MACF1: variants seen among roughly 807,000 people sequenced by gnomAD.
MACF1 encodes microtubule-actin cross-linking factor 1.
A neutral mutation model predicts 854.8 loss-of-function variants in MACF1; 193 were observed. The observed-to-expected ratio is 0.23, with a 90% CI of 0.20 to 0.25. The LOEUF (loss-of-function observed/expected upper bound fraction) is 0.25. Ranked by LOEUF, MACF1 falls within the 10% of genes least tolerant of loss-of-function variation. The pLI is 1.00. For missense variants in MACF1, 7,722 were observed against 8,929.1 expected (o/e 0.86, Z 5.45); for synonymous variants, 3,185 against 3,226.7 (o/e 0.99, Z 0.44).
In MACF1 at chr1:39,485,961, G is replaced by A. The variant is rs1405390940; in HGVS notation, c.*167G>A. ...TTTTTGTAAGTTACTATTTTCATGT[G>A]AATATTTATGTAGATAAAATTTGCC... On this transcript the variant is annotated 3_prime_UTR_variant, in exon 101 of 101. Coordinates refer to ENST00000564288, the MANE Select transcript of MACF1 (RefSeq NM_001394062.1). 9.9e-6 allele frequency: 7 copies of A among 708,774 alleles called. No individual in the cohort carries two copies. The highest frequency in any genetic ancestry group is 1.2e-5 in the Non-Finnish European group (6 of 501,392). The allele number at this position is 708,774 out of a possible 1,614,324, so 43.9% of individuals were successfully genotyped here.
In MACF1 at chr1:39,222,201, T is replaced by C. The variant is rs144971835; in HGVS notation, c.110-8981T>C. 7.4e-3 allele frequency among the ~76,000 whole-genome samples: 1,121 copies of C among 152,330 alleles called. 4 individuals carry two copies. Among genetic ancestry groups the C allele is most frequent in the Non-Finnish European group, 0.011 (766 of 68,030 alleles). ...GGGCAGTGACACAATCTTGGCTCAC[T>C]GCAACCTCTGCCTCCTGGGCTCAAG... On this transcript the variant is annotated intron_variant, in intron 1 of 100. Coordinates refer to ENST00000564288, the MANE Select transcript of MACF1 (RefSeq NM_001394062.1).
intron 3 of MACF1, among the ~76,000 whole-genome samples, chr1:39,251,053 ATTGT>A (rs1254159682): frequency 2.0e-5 from 3 of 152,164 alleles, no homozygotes; most frequent in Non-Finnish European, 4.4e-5. Context: ...TTTCTTAGTC[ATTGT>A]TTGTTGTGTT....
At chr1:39,402,356 C>CT (rs1295955171) in intron 58 of MACF1, among the ~76,000 whole-genome samples, 1 of 152,116 alleles carries the variant, frequency 6.6e-6, no homozygotes, top group Non-Finnish European at 1.5e-5. Flanking sequence ...TCAGGGAAAC[C>CT]TACCCTGAGC....
chr1:39,233,789 T>A (rs1644815101), intron 2 of MACF1, among the ~76,000 whole-genome samples: 1 of 87,692 alleles, frequency 1.1e-5, no homozygotes, highest in South Asian at 6.1e-4. Context: ...TTTTTTTTTT[T>A]TTTTTTTTAT....
At position 39,464,871 on chromosome 1, in the gene MACF1, G is replaced by A. The variant is rs926969459; in HGVS notation, c.21754-224G>A. 1.1e-4 allele frequency: 54 copies of A among 483,958 alleles called. 1 individual carries two copies. The highest frequency in any genetic ancestry group is 2.6e-4 in the South Asian group (12 of 46,754). The allele number at this position is 483,958 out of a possible 1,614,324, so 30.0% of individuals were successfully genotyped here. A position where few individuals can be genotyped will look rare whatever the true frequency, so the allele number is the denominator to read the frequency against. ...GGAGGTTGCAGTGAGCCATGATCGCGCCACTGCACTCCAGCCTGGGCAACA... is the reference window on the plus strand; with the variant it reads ...GGAGGTTGCAGTGAGCCATGATCGCACCACTGCACTCCAGCCTGGGCAACA... On this transcript the variant is annotated intron_variant, in intron 94 of 100. Coordinates refer to ENST00000564288, the MANE Select transcript of MACF1 (RefSeq NM_001394062.1).
intron 2 of MACF1, among the ~76,000 whole-genome samples, chr1:39,129,225 A>G (rs932672614): frequency 2.6e-5 from 4 of 152,140 alleles, no homozygotes; most frequent in Admixed American, 1.3e-4. Flanking sequence ...GCAACAGGTT[A>G]TGTTTTCTCC....
intron 2 of MACF1, among the ~76,000 whole-genome samples, chr1:39,134,666 AAGGTTAAATGAGTT>A (rs2148176690): frequency 6.6e-6 from 1 of 152,268 alleles, no homozygotes; most frequent in East Asian, 1.9e-4. Flanking sequence ...GGTTTTTGTA[AAGGTTAAATGAGTT>A]AATATACGTA....
chr1:39,158,639 C>G (rs1643736776), intron 2 of MACF1, among the ~76,000 whole-genome samples: 1 of 152,108 alleles, frequency 6.6e-6, no homozygotes, highest in South Asian at 2.1e-4. Flanking sequence ...CCCAGTGGAG[C>G]CTGGGCTGGG....
At chr1:39,449,835 C>A (rs112440209) in intron 84 of MACF1, among the ~76,000 whole-genome samples, 4 of 151,542 alleles carry the variant, frequency 2.6e-5, no homozygotes, top group African/African-American at 9.7e-5. Context: ...AGACTATAGG[C>A]ATGTGCCACC....
At chr1:39,190,850 C>T (rs1252743551) in intron 2 of MACF1, among the ~76,000 whole-genome samples, 2 of 151,270 alleles carry the variant, frequency 1.3e-5, no homozygotes, top group African/African-American at 4.9e-5. Flanking sequence ...CAAAAATTAG[C>T]CGGGCGTGGT....
chr1:39,148,169 A>G (rs1351425577), intron 2 of MACF1, among the ~76,000 whole-genome samples: 1 of 152,090 alleles, frequency 6.6e-6, no homozygotes, highest in Non-Finnish European at 1.5e-5. Flanking sequence ...ATCTTATTTT[A>G]CAGTTTTCTG....
In MACF1 at chr1:39,437,877, A is replaced by C; in HGVS notation, c.18089A>C (p.Glu6030Ala). 1 of 1,614,192 alleles carries C rather than the reference A, an allele frequency of 6.2e-7. No homozygotes were observed. Among genetic ancestry groups the C allele is most frequent in the Non-Finnish European group, 8.5e-7 (1 of 1,180,028 alleles). Residue 6030 changes from glutamate (E) to alanine (A), a missense_variant, in exon 71 of 101, where the codon GAG (glutamate) becomes GCG (alanine). This residue lies in a region of MACF1 where 2,807 missense variants were observed against 3,235.8 expected (regional missense o/e 0.87). Coordinates refer to ENST00000564288, the MANE Select transcript of MACF1 (RefSeq NM_001394062.1). ...LIPAEVDKIR[E>A]CISDNKSATV... ...CCTGCTGAAGTAGACAAGATCAGAG[A>C]GTGCATCAGTGACAATAAGAGTGCC...
Position 39,105,672 on chromosome 1 carries a change from A to G in MACF1, c.220+21234A>G. 1 of 1,235,390 alleles carries G rather than the reference A, an allele frequency of 8.1e-7. No homozygotes were observed. The highest frequency in any genetic ancestry group is 1.3e-5 in the South Asian group (1 of 75,524). The allele number at this position is 1,235,390 out of a possible 1,614,324, so 76.5% of individuals were successfully genotyped here. A position where few individuals can be genotyped will look rare whatever the true frequency, so the allele number is the denominator to read the frequency against. On this transcript the variant is annotated intron_variant, in intron 2 of 93. Transcript: ENST00000361689. The surrounding 1 kb of genome is among the most constrained non-coding windows in gnomAD (Gnocchi z 5.9). The stretch of plus-strand genomic sequence containing the variant: ...GCAGCCGGCCAACCGCAGCCAGGAG[A>G]AGGAGTTCGTGCAGGCGTACGAGGA...
At position 39,387,971 on chromosome 1, in the gene MACF1, C is replaced by T. The variant is rs141782558; in HGVS notation, c.15129C>T (p.Ala5043=). ...TCTTTGATGCTCTGGGTTCTCAAGC[C>T]TGTAGCAACAAGAACCTGGAGAAGC... ...LEIFDALGSQ[A]CSNKNLEKLR... is the part of the protein sequence containing the mutation. The change falls in exon 58 of 101, where the codon GCC becomes GCT. Residue 5043 remains alanine, a synonymous_variant. Coordinates refer to ENST00000564288, the MANE Select transcript of MACF1 (RefSeq NM_001394062.1). The T allele has an allele frequency of 7.1e-5, 115 of 1,614,014 alleles. No individual in the cohort carries two copies. The highest frequency in any genetic ancestry group is 1.6e-4 in the Middle Eastern group (1 of 6,062).
chr1:39,406,921 C>A (rs1209281046), intron 58 of MACF1, among the ~76,000 whole-genome samples: 1 of 152,064 alleles, frequency 6.6e-6, no homozygotes, highest in Non-Finnish European at 1.5e-5. Flanking sequence ...ATTGATCTTT[C>A]CTTCCCTGAG....
intron 58 of MACF1, among the ~76,000 whole-genome samples, chr1:39,395,536 C>G (rs895822005): frequency 3.3e-5 from 5 of 152,164 alleles, no homozygotes; most frequent in Admixed American, 6.5e-5. Context: ...GTTGTTGATG[C>G]AGGTGTTTGG....
chr1:39,236,495 C>T (rs1170893557), intron 2 of MACF1, among the ~76,000 whole-genome samples: 1 of 152,120 alleles, frequency 6.6e-6, no homozygotes, highest in Non-Finnish European at 1.5e-5. Context: ...TTTCTTTGTG[C>T]CCCTGACTAT....
chr1:39,134,181 C>T (rs1262497886), intron 2 of MACF1, among the ~76,000 whole-genome samples: 1 of 150,286 alleles, frequency 6.7e-6, no homozygotes, highest in African/African-American at 2.4e-5. Flanking sequence ...GCTGGGACTA[C>T]AGGCGCCCGC....
chr1:39,388,417 C>G lies in MACF1; in HGVS notation c.15575C>G (p.Thr5192Ser). The G allele has an allele frequency of 6.2e-7, 1 of 1,614,062 alleles. No individual in the cohort carries two copies. ...ECRHMLEEEG[T>S]LDLLGLKREL... ...CGACATATGCTAGAAGAAGAGGGGA[C>G]TCTGGATTTGTTAGGTCTCAAAAGG... The change falls in exon 58 of 101, where the codon ACT becomes AGT. Residue 5192 changes from threonine to serine, a missense_variant. Thr to Ser is a moderately conservative substitution (Grantham distance 58). This residue lies in a region of MACF1 where 2,807 missense variants were observed against 3,235.8 expected (regional missense o/e 0.87). Transcript: ENST00000564288.
Sources: gnomAD v4.1 joint callset for allele counts (sites outside exome capture counted in the v4.1 genomes callset) on GRCh38, gnomAD v4.1.1 for gene constraint, gnomAD v4.1.1 regional missense constraint, Gnocchi (gnomAD v3.1) non-coding constraint, MANE v1.5 for transcripts, NCBI Gene and HGNC (gene_info 2026-07-23, HGNC 2026-07-21) for gene names.